The following MARK3 variants were observed in gnomAD, a reference collection of about 807,000 sequenced individuals.
The protein encoded by MARK3 is MAP/microtubule affinity-regulating kinase 3.
In MARK3, 46 loss-of-function variants were observed where a neutral mutation model predicts 90.1. The observed-to-expected ratio is 0.51, with a 90% confidence interval of 0.40 to 0.65. MARK3 has a LOEUF of 0.65. Ranked by LOEUF, MARK3 falls within the 30% of genes least tolerant of loss-of-function variation. The probability of loss-of-function intolerance (pLI) is 0.00; values close to 1 mark genes in which losing one functional copy is unlikely to be tolerated. For synonymous variants in MARK3, 321 were observed against 332.6 expected, an observed-to-expected ratio of 0.97 and a Z score of 0.38; for missense variants, 818 against 947.2, an observed-to-expected ratio of 0.86 and a Z score of 1.79.
intron 3 of MARK3, among the ~76,000 whole-genome samples, chr14:103,446,332 C>T (rs2092993668): frequency 6.6e-6 from 1 of 152,110 alleles, no homozygotes; most frequent in African/African-American, 2.4e-5. Context: ...TCGAGACCAG[C>T]CTGGCCAACG....
In MARK3 at chr14:103,468,088, C is replaced by G. The variant is rs1195446283; in HGVS notation, c.1166C>G (p.Pro389Arg). 1 of 1,613,814 alleles carries G rather than the reference C, an allele frequency of 6.2e-7. No individual in the cohort carries two copies. Among genetic ancestry groups the G allele is most frequent in the East Asian group, 2.2e-5 (1 of 44,862 alleles). Residue 389 changes from proline (P) to arginine (R), a missense_variant, in exon 12 of 18, where the codon CCG becomes CGG. By Grantham distance (103) the Pro-to-Arg change is moderately radical. This residue lies in a region of MARK3 where 560 missense variants were observed against 613.5 expected (regional missense o/e 0.91). Transcript: ENST00000429436. ...AATCTTTCACTTGCTAAGGTTAGGC[C>G]GAGCAGTGATCTCAACAACAGTACT... ...SSNLSLAKVRPSSDLNNSTGQ... is the reference protein window; with the variant it reads ...SSNLSLAKVRRSSDLNNSTGQ...
At chr14:103,401,006 TAGGA>T (rs1246158839) in intron 1 of MARK3, among the ~76,000 whole-genome samples, 1 of 148,210 alleles carries the variant, frequency 6.7e-6, no homozygotes, top group Non-Finnish European at 1.5e-5. Flanking sequence ...ATTGGCTCCT[TAGGA>T]AGAAAAAAAT....
At chr14:103,421,082 T>G (rs1201262761) in intron 2 of MARK3, among the ~76,000 whole-genome samples, 2 of 151,998 alleles carry the variant, frequency 1.3e-5, no homozygotes, top group African/African-American at 4.8e-5. Flanking sequence ...GACAGTTGAG[T>G]TTTTCCTTGC....
chr14:103,455,773 A>AT (rs2093265196), intron 5 of MARK3, among the ~76,000 whole-genome samples: 1 of 152,030 alleles, frequency 6.6e-6, no homozygotes, highest in African/African-American at 2.4e-5. Flanking sequence ...TAACATGAAA[A>AT]TATTTGTGCC....
chr14:103,450,670 A>C (rs2093115061), intron 4 of MARK3, among the ~76,000 whole-genome samples: 1 of 152,140 alleles, frequency 6.6e-6, no homozygotes, highest in Non-Finnish European at 1.5e-5. Flanking sequence ...TTTATTCATC[A>C]GTTCATCAAA....
chr14:103,440,843 T>C (rs755277948), intron 3 of MARK3, among the ~76,000 whole-genome samples: 2 of 145,004 alleles, frequency 1.4e-5, no homozygotes, highest in Non-Finnish European at 3.0e-5. Context: ...ATTGGGAGGC[T>C]GAGGATTGAT....
intron 3 of MARK3, among the ~76,000 whole-genome samples, chr14:103,430,726 A>T (rs2092557590): frequency 1.3e-5 from 2 of 152,220 alleles, no homozygotes; most frequent in South Asian, 2.1e-4. Context: ...ATGAACATTT[A>T]CTAAATGCAC....
intron 1 of MARK3, among the ~76,000 whole-genome samples, chr14:103,393,762 CTTTTT>C (rs36003065): frequency 4.8e-5 from 7 of 145,428 alleles, no homozygotes. Context: ...CATTTTATTA[CTTTTT>C]TTTTTTTTTT....
intron 13 of MARK3, 60 bp downstream of exon 13, chr14:103,475,270 C>G: frequency 7.0e-7 from 1 of 1,426,968 alleles, no homozygotes; most frequent in Non-Finnish European, 9.8e-7. Context: ...CAGCTAGACA[C>G]CAGGTGTTCA....
At chr14:103,496,039 A>G (rs1326345756) in intron 15 of MARK3, among the ~76,000 whole-genome samples, 1 of 151,802 alleles carries the variant, frequency 6.6e-6, no homozygotes. Flanking sequence ...CGGGAGCAAA[A>G]CTCTCTCTCC....
At chr14:103,457,814 A>T (rs996763578) in intron 6 of MARK3, among the ~76,000 whole-genome samples, 3 of 152,232 alleles carry the variant, frequency 2.0e-5, no homozygotes, top group Non-Finnish European at 4.4e-5. Context: ...CTTGTGAGTT[A>T]AGGACTGTTA....
chr14:103,444,780 A>G (rs181263399), intron 3 of MARK3, among the ~76,000 whole-genome samples: 7 of 152,316 alleles, frequency 4.6e-5, no homozygotes, highest in African/African-American at 1.7e-4. Flanking sequence ...CCATTTCAAA[A>G]AAAAAAAGTA....
Position 103,475,019 on chromosome 14 carries a change from G to A in MARK3, c.1291G>A (p.Ala431Thr), listed in dbSNP as rs2141756266. 1 of 1,613,964 alleles carries A rather than the reference G, an allele frequency of 6.2e-7. No individual in the cohort carries two copies. Among genetic ancestry groups the A allele is most frequent in the East Asian group, 2.2e-5 (1 of 44,884 alleles). The change falls in exon 13 of 18, where the codon GCG (alanine) becomes ACG (threonine). Residue 431 changes from alanine to threonine, a missense_variant. By Grantham distance (58) the Ala-to-Thr change is moderately conservative (BLOSUM62 0). Transcript: ENST00000429436. The part of the protein sequence containing the change: ...HAGPAIPSVV[A>T]YPKRSQTSTA... ...TGGACCAGCTATTCCTTCTGTTGTG[G>A]CGTATCCGAAAAGGAGTCAGACCAG...
intron 14 of MARK3, among the ~76,000 whole-genome samples, chr14:103,487,844 C>G (rs1346308487): frequency 1.3e-5 from 2 of 152,066 alleles, no homozygotes; most frequent in African/African-American, 4.8e-5. Flanking sequence ...GTCAGGAGTT[C>G]AAGACCACCC....
chr14:103,397,486 C>T (rs557239438), intron 1 of MARK3, among the ~76,000 whole-genome samples: 24 of 152,176 alleles, frequency 1.6e-4, no homozygotes, highest in African/African-American at 5.5e-4. Context: ...GCCACCATGC[C>T]TGGCTAATTT....
chr14:103,448,430 A>G (rs1026653287), intron 3 of MARK3, among the ~76,000 whole-genome samples: 2 of 152,172 alleles, frequency 1.3e-5, no homozygotes, highest in South Asian at 2.1e-4. Context: ...TAAGTTACCT[A>G]TATTCTCCAG....
intron 12 of MARK3, among the ~76,000 whole-genome samples, chr14:103,472,703 A>G (rs2093649268): frequency 6.6e-6 from 1 of 150,718 alleles, no homozygotes; most frequent in Non-Finnish European, 1.5e-5. Context: ...ACCATGGACT[A>G]CTACTCACAA....
chr14:103,465,275 TA>T (rs1429609316), intron 7 of MARK3, among the ~76,000 whole-genome samples: 1 of 152,106 alleles, frequency 6.6e-6, no homozygotes, highest in Non-Finnish European at 1.5e-5. Context: ...GCCCCCATAT[TA>T]TTATTATCAA....
chr14:103,416,592 G>A (rs2091953097), intron 2 of MARK3, among the ~76,000 whole-genome samples: 1 of 152,186 alleles, frequency 6.6e-6, no homozygotes, highest in East Asian at 1.9e-4. Flanking sequence ...CCAACATGGT[G>A]AAACCTCATC....
Sources: gnomAD v4.1 joint callset for allele counts (sites outside exome capture counted in the v4.1 genomes callset) on GRCh38, gnomAD v4.1.1 for gene constraint, gnomAD v4.1.1 regional missense constraint, MANE v1.5 for transcripts, NCBI Gene and HGNC (gene_info 2026-07-23, HGNC 2026-07-21) for gene names.